RANBP2: variants seen among roughly 807,000 people sequenced by gnomAD.
RANBP2 encodes the protein E3 SUMO-protein ligase RanBP2.
In RANBP2, 57 loss-of-function variants were observed where a neutral mutation model predicts 303.6. The ratio of observed to expected loss-of-function variants is 0.19; its 90% CI spans 0.15 to 0.23. The LOEUF is 0.23. Among genes scored for constraint, RANBP2 ranks in the 10% least tolerant of loss-of-function variants. The pLI, the probability that RANBP2 is intolerant of heterozygous loss-of-function variation, is 1.00. For missense variants in RANBP2, 3,138 were observed against 3,780.8 expected (o/e 0.83, Z 4.46); for synonymous variants, 1,167 against 1,301.5 (o/e 0.90, Z 2.23).
rs1449599844 is a variant in RANBP2 at position 108,765,789 on chromosome 2, A to G, written c.5250A>G (p.Pro1750=). The change falls in exon 20 of 29, where the codon CCA becomes CCG. Residue 1750 remains proline (P), a synonymous_variant. Transcript: ENST00000283195. The part of the protein sequence containing the change: ...SATKCIACQC[P]SKQNQTTAIS... ...CCAAATGTATTGCTTGTCAGTGTCC[A>G]AGTAAACAAAATCAAACAACTGCAA... 1 of 1,614,032 alleles carries G rather than the reference A, an allele frequency of 6.2e-7. No individual in the cohort carries two copies. Among genetic ancestry groups the G allele is most frequent in the Non-Finnish European group, 8.5e-7 (1 of 1,180,018 alleles).
At chr2:108,969,918 A>C in the RANBP2 span, among the ~76,000 whole-genome samples, 1 of 152,256 alleles carries the variant, frequency 6.6e-6, no homozygotes. Flanking sequence ...TCCAGAGTTC[A>C]ATCTGGGTCA....
At chr2:109,402,465 C>T in the RANBP2 span, among the ~76,000 whole-genome samples, 1 of 152,230 alleles carries the variant, frequency 6.6e-6, no homozygotes, top group Non-Finnish European at 1.5e-5. Flanking sequence ...AACAGAGGCC[C>T]CTCACATGCC....
chr2:109,177,623 G>A, the RANBP2 span, among the ~76,000 whole-genome samples: 1 of 152,086 alleles, frequency 6.6e-6, no homozygotes, highest in Non-Finnish European at 1.5e-5. Flanking sequence ...GTGTTGAGGT[G>A]AGGGTGAGGG....
the RANBP2 span, among the ~76,000 whole-genome samples, chr2:109,062,308 G>T: frequency 2.0e-5 from 3 of 152,196 alleles, no homozygotes; most frequent in African/African-American, 4.8e-5. Flanking sequence ...GCAGTCATTT[G>T]TAATAGTTGA....
At chr2:109,160,549 T>A in the RANBP2 span, among the ~76,000 whole-genome samples, 5 of 152,214 alleles carry the variant, frequency 3.3e-5, no homozygotes, top group Non-Finnish European at 7.3e-5. Context: ...CCTCTCTGGC[T>A]TAATCTCATC....
the RANBP2 span, among the ~76,000 whole-genome samples, chr2:108,838,211 C>T: frequency 6.6e-6 from 1 of 152,166 alleles, no homozygotes; most frequent in Admixed American, 6.6e-5. Context: ...CAGAGGCATA[C>T]TCTAGGCCGA....
At chr2:109,649,928 G>A in the RANBP2 span, among the ~76,000 whole-genome samples, 1 of 152,172 alleles carries the variant, frequency 6.6e-6, no homozygotes, top group Non-Finnish European at 1.5e-5. Flanking sequence ...CAATAAGTTA[G>A]CCCATTGGAG....
chr2:109,543,147 A>C, the RANBP2 span: 4 of 152,630 alleles, frequency 2.6e-5, no homozygotes, highest in African/African-American at 7.2e-5. Flanking sequence ...ATACCACCTG[A>C]AATATGAATT....
the RANBP2 span, among the ~76,000 whole-genome samples, chr2:108,813,248 CAAAAAAAAAAAA>C: frequency 3.1e-5 from 2 of 63,542 alleles, no homozygotes; most frequent in Non-Finnish European, 5.1e-5. Context: ...GACTCCGTCT[CAAAAAAAAAAAA>C]AAAAAAAAAA....
chr2:109,023,108 C>G, the RANBP2 span, among the ~76,000 whole-genome samples: 1 of 152,104 alleles, frequency 6.6e-6, no homozygotes. Context: ...TTTGATGAAA[C>G]CTTGATAATA....
the RANBP2 span, among the ~76,000 whole-genome samples, chr2:109,362,859 C>A: frequency 6.6e-6 from 1 of 152,076 alleles, no homozygotes; most frequent in Non-Finnish European, 1.5e-5. Context: ...ACTCTGAAGT[C>A]TGTTTTGTCT....
chr2:108,917,024 G>A, the RANBP2 span, among the ~76,000 whole-genome samples: 1 of 152,234 alleles, frequency 6.6e-6, no homozygotes, highest in Non-Finnish European at 1.5e-5. Context: ...TGCGCTCGGA[G>A]CTCGGCAATA....
At chr2:108,834,056 A>T in the RANBP2 span, among the ~76,000 whole-genome samples, 1 of 150,054 alleles carries the variant, frequency 6.7e-6, no homozygotes, top group Non-Finnish European at 1.5e-5. Flanking sequence ...AATGTGGAGT[A>T]AACTTTTTGC....
At chr2:108,967,494 C>G in the RANBP2 span, among the ~76,000 whole-genome samples, 2,286 of 152,136 alleles carry the variant, frequency 0.015, 62 homozygotes, top group African/African-American at 0.053. Flanking sequence ...TCCTACTTGT[C>G]TTTTTATCCT....
chr2:108,827,591 C>CA, the RANBP2 span, among the ~76,000 whole-genome samples: 9,040 of 152,012 alleles, frequency 0.059, 315 homozygotes, highest in South Asian at 0.15. Context: ...CCAAGGTGGG[C>CA]GGATCACGAG....
rs143137111 is a variant in RANBP2 at position 108,748,964 on chromosome 2, A to G, written c.1108A>G (p.Lys370Glu). ...NLSRGKQDFL[K>E]EIVETFANKS... The stretch of plus-strand genomic sequence containing the variant: ...AAGTCGTGGCAAGCAAGATTTTTTA[A>G]AAGAGATTGTTGAAACTTTTGCCAA... Residue 370 changes from lysine (K) to glutamate (E), a missense_variant, in exon 9 of 29, where the codon AAA (lysine) becomes GAA (glutamate). By Grantham distance (56) the Lys-to-Glu change is moderately conservative. Coordinates refer to ENST00000283195, the MANE Select transcript of RANBP2 (RefSeq NM_006267.5). 1.1e-4 allele frequency: 180 copies of G among 1,611,884 alleles called. No individual in the cohort carries two copies. Among genetic ancestry groups the G allele is most frequent in the Admixed American group, 3.3e-5 (2 of 59,994 alleles).
At chr2:108,988,726 A>C in the RANBP2 span, among the ~76,000 whole-genome samples, 1 of 152,162 alleles carries the variant, frequency 6.6e-6, no homozygotes, top group East Asian at 1.9e-4. Flanking sequence ...TCCCTAACCA[A>C]ATGTGCAACC....
the RANBP2 span, among the ~76,000 whole-genome samples, chr2:109,703,618 G>A: frequency 6.6e-6 from 1 of 151,926 alleles, no homozygotes; most frequent in African/African-American, 2.4e-5. Context: ...TAGTAGAGAT[G>A]AGGTTTCACC....
chr2:109,540,242 G>A, the RANBP2 span, among the ~76,000 whole-genome samples: 5 of 151,968 alleles, frequency 3.3e-5, no homozygotes, highest in Non-Finnish European at 5.9e-5. Context: ...GGCATTCCCC[G>A]GGTGCACTGT....
Sources: gnomAD v4.1 joint callset for allele counts (sites outside exome capture counted in the v4.1 genomes callset) on GRCh38, gnomAD v4.1.1 for gene constraint, MANE v1.5 for transcripts, NCBI Gene and HGNC (gene_info 2026-07-23, HGNC 2026-07-21) for gene names.